Variants in KANTR observed in about 807,000 individuals in gnomAD.
The protein encoded by KANTR is KDM5C adjacent transcript.
chrX:53,147,702 A>G (rs1222248451), downstream of KANTR, among the ~76,000 whole-genome samples: 2 of 111,037 alleles, frequency 1.8e-5, no homozygotes, highest in Non-Finnish European at 3.8e-5. Flanking sequence ...TCCAAAATTG[A>G]CCACATAGTT....
chrX:53,103,047 C>T (rs913290594), intron 2 of KANTR, among the ~76,000 whole-genome samples: 27 of 101,628 alleles, frequency 2.7e-4, no homozygotes, highest in Non-Finnish European at 4.7e-4. Context: ...TGCAGTGGTG[C>T]GATCTCAGCT....
chrX:53,096,419 G>A (rs1556810843), intron 1 of KANTR, among the ~76,000 whole-genome samples: 1 of 112,406 alleles, frequency 8.9e-6, no homozygotes, highest in African/African-American at 3.2e-5. Flanking sequence ...ATGGAATGTG[G>A]TATGATTCTT....
At chrX:53,111,206 G>A (rs1933035950) in intron 2 of KANTR, among the ~76,000 whole-genome samples, 1 of 107,643 alleles carries the variant, frequency 9.3e-6, no homozygotes, top group Non-Finnish European at 1.9e-5. Context: ...TTGTAGAGAT[G>A]GGGTCTTGCT....
downstream of KANTR, chrX:53,142,969 A>T: frequency 1.0e-6 from 1 of 964,050 alleles, no homozygotes; most frequent in Non-Finnish European, 1.5e-6. Context: ...CTTGATCTTC[A>T]TGGTGCTGGA....
chrX:53,125,288 A>G (rs1002692794), exon 3 of KANTR: 14 of 111,010 alleles, frequency 1.3e-4, no homozygotes, highest in Middle Eastern at 4.2e-3. Context: ...TTTTCATGCC[A>G]TTATGTTTAA....
At chrX:53,100,778 A>G (rs1295609790) in intron 2 of KANTR, among the ~76,000 whole-genome samples, 1 of 112,540 alleles carries the variant, frequency 8.9e-6, no homozygotes, top group Non-Finnish European at 1.9e-5. Context: ...AGCCTGGGCA[A>G]CAAGAGCAAA....
chrX:53,121,547 G>T (rs1167296929), intron 2 of KANTR, among the ~76,000 whole-genome samples: 1 of 108,786 alleles, frequency 9.2e-6, no homozygotes, highest in African/African-American at 3.4e-5. Context: ...TCATTCAGTT[G>T]TCGTGTCTCC....
intron 2 of KANTR, among the ~76,000 whole-genome samples, chrX:53,104,867 T>C (rs2146721234): frequency 9.0e-6 from 1 of 111,128 alleles, no homozygotes; most frequent in Non-Finnish European, 1.9e-5. Flanking sequence ...TGCTGTCATA[T>C]GGTGGCTCTA....
intron 2 of KANTR, among the ~76,000 whole-genome samples, chrX:53,121,394 C>T (rs1933218247): frequency 8.9e-6 from 1 of 112,029 alleles, no homozygotes; most frequent in Non-Finnish European, 1.9e-5. Flanking sequence ...TCTGTATATT[C>T]CTCACTGTAG....
chrX:53,122,372 G>T (rs1303562850), intron 2 of KANTR, among the ~76,000 whole-genome samples: 1 of 111,589 alleles, frequency 9.0e-6, no homozygotes, highest in Non-Finnish European at 1.9e-5. Context: ...GTTTTCTATG[G>T]TGACAACCAT....
intron 2 of KANTR, among the ~76,000 whole-genome samples, chrX:53,140,673 T>C (rs1318365049): frequency 9.1e-6 from 1 of 110,203 alleles, no homozygotes; most frequent in African/African-American, 3.3e-5. Context: ...CCCTCCAAAT[T>C]AGAAGTTTCC....
intron 2 of KANTR, among the ~76,000 whole-genome samples, chrX:53,112,556 A>T (rs929858667): frequency 1.7e-4 from 19 of 111,799 alleles, no homozygotes; most frequent in African/African-American, 5.8e-4. Context: ...AGATCATTTC[A>T]CTTTTTCATG....
chrX:53,108,593 CTTGT>C (rs1932984157), intron 2 of KANTR, among the ~76,000 whole-genome samples: 1 of 112,004 alleles, frequency 8.9e-6, no homozygotes. Context: ...CATTGCTGAA[CTTGT>C]TTATTAGTTC....
intron 2 of KANTR, among the ~76,000 whole-genome samples, chrX:53,113,566 CTT>C (rs782348418): frequency 8.6e-5 from 6 of 69,673 alleles, no homozygotes; most frequent in African/African-American, 1.6e-4. Context: ...CCTGATTGTT[CTT>C]TTTTTTTTTT....
At chrX:53,145,361 G>A (rs193302106), downstream of KANTR, among the ~76,000 whole-genome samples, 336 of 112,050 alleles carry the variant, frequency 3.0e-3, 2 homozygotes, top group African/African-American at 0.01. Flanking sequence ...ATTATATCCC[G>A]CCCCTGGCTC....
chrX:53,132,516 C>T (rs1933371797), intron 2 of KANTR, among the ~76,000 whole-genome samples: 1 of 112,281 alleles, frequency 8.9e-6, no homozygotes, highest in Non-Finnish European at 1.9e-5. Context: ...TGAGATTTTA[C>T]TTTAGGTTTC....
chrX:53,109,069 T>C (rs1392519130), intron 2 of KANTR, among the ~76,000 whole-genome samples: 1 of 112,258 alleles, frequency 8.9e-6, no homozygotes, highest in Non-Finnish European at 1.9e-5. Context: ...AAAAATGACA[T>C]GGAACTTTTA....
At chrX:53,132,484 A>G (rs1933371558) in intron 2 of KANTR, among the ~76,000 whole-genome samples, 1 of 112,524 alleles carries the variant, frequency 8.9e-6, no homozygotes, top group African/African-American at 3.2e-5. Context: ...TATTAACAGA[A>G]AAGTCTAAAA....
chrX:53,141,008 G>A (rs1310058768), intron 2 of KANTR, among the ~76,000 whole-genome samples: 2 of 110,706 alleles, frequency 1.8e-5, no homozygotes, highest in Non-Finnish European at 3.8e-5. Flanking sequence ...CTAAAAATAC[G>A]AAATTAGCCA....
Sources: allele counts gnomAD v4.1 joint callset (sites outside exome capture counted in the v4.1 genomes callset), GRCh38; gene constraint gnomAD v4.1.1; transcripts MANE v1.5; gene names NCBI Gene and HGNC (gene_info 2026-07-23, HGNC 2026-07-21).